ARHGAP12: variants seen among roughly 807,000 people sequenced by gnomAD.
ARHGAP12 encodes the protein rho GTPase-activating protein 12.
In ARHGAP12, 64 loss-of-function variants were observed where a neutral mutation model predicts 108.6. The observed-to-expected ratio is 0.59, with a 90% CI of 0.48 to 0.73. The LOEUF is 0.73. Ranked by LOEUF, ARHGAP12 falls within the 30% of genes least tolerant of loss-of-function variation. ARHGAP12 has a pLI of 0.00. For synonymous variants in ARHGAP12, 312 were observed against 337.2 expected, an observed-to-expected ratio of 0.93 and a Z score of 0.82; for missense variants, 940 against 1,005.9, an observed-to-expected ratio of 0.93 and a Z score of 0.89.
At chr10:31,856,884 T>C (rs557322656) in intron 4 of ARHGAP12, among the ~76,000 whole-genome samples, 3 of 152,218 alleles carry the variant, frequency 2.0e-5, no homozygotes, top group African/African-American at 4.8e-5. Context: ...ATGCAACATA[T>C]AGTCTTCACT....
chr10:31,857,642 T>C (rs936776938), intron 4 of ARHGAP12, among the ~76,000 whole-genome samples: 3 of 152,048 alleles, frequency 2.0e-5, no homozygotes, highest in African/African-American at 7.2e-5. Flanking sequence ...ACAGTAAAAA[T>C]ATAGACACAT....
At chr10:31,863,232 T>C (rs1472964483) in intron 3 of ARHGAP12, among the ~76,000 whole-genome samples, 4 of 152,236 alleles carry the variant, frequency 2.6e-5, no homozygotes, top group East Asian at 1.9e-4. Flanking sequence ...TGGAGACAGA[T>C]ATCATTTCTC....
At chr10:31,893,110 G>C (rs1417054357) in intron 3 of ARHGAP12, among the ~76,000 whole-genome samples, 2 of 152,134 alleles carry the variant, frequency 1.3e-5, no homozygotes. Context: ...AGTGTGTAAA[G>C]GGAAATTTAT....
chr10:31,863,771 A>AG (rs1837220388), intron 3 of ARHGAP12, among the ~76,000 whole-genome samples: 1 of 152,170 alleles, frequency 6.6e-6, no homozygotes, highest in Non-Finnish European at 1.5e-5. Context: ...AGATTCATAG[A>AG]TAAACACGAT....
intron 1 of ARHGAP12, among the ~76,000 whole-genome samples, chr10:31,919,746 G>A (rs1387496508): frequency 1.3e-5 from 2 of 150,742 alleles, no homozygotes; most frequent in African/African-American, 2.4e-5. Flanking sequence ...AGCCGAGATC[G>A]CACCACTGCA....
chr10:31,928,636 T>G (rs1035464378), intron 1 of ARHGAP12, 47 bp downstream of exon 1: 2 of 152,276 alleles, frequency 1.3e-5, no homozygotes, highest in African/African-American at 4.8e-5. Flanking sequence ...GTGCAGCGCC[T>G]CGCCAACCTG....
chr10:31,835,667 G>T (rs1835989659), intron 9 of ARHGAP12, among the ~76,000 whole-genome samples: 1 of 152,092 alleles, frequency 6.6e-6, no homozygotes, highest in Non-Finnish European at 1.5e-5. Context: ...CAATACACCT[G>T]ATCAAAATCC....
intron 3 of ARHGAP12, among the ~76,000 whole-genome samples, chr10:31,892,121 G>A (rs923291770): frequency 1.3e-5 from 2 of 152,064 alleles, no homozygotes; most frequent in African/African-American, 4.8e-5. Context: ...CACTAAACAT[G>A]GAAAGGAACA....
intron 3 of ARHGAP12, among the ~76,000 whole-genome samples, chr10:31,879,110 T>C (rs1049580662): frequency 1.3e-5 from 2 of 152,156 alleles, no homozygotes; most frequent in African/African-American, 4.8e-5. Flanking sequence ...TTAATATCTA[T>C]TTAAAAAGAC....
chr10:31,829,013 G>C (rs560696587), intron 10 of ARHGAP12, among the ~76,000 whole-genome samples: 1 of 152,044 alleles, frequency 6.6e-6, no homozygotes, highest in African/African-American at 2.4e-5. Flanking sequence ...TTAGCCACGC[G>C]TAGTGGCACA....
chr10:31,879,049 T>C (rs1837841507), intron 3 of ARHGAP12, among the ~76,000 whole-genome samples: 1 of 152,204 alleles, frequency 6.6e-6, no homozygotes, highest in Non-Finnish European at 1.5e-5. Context: ...GGTCAAAGTG[T>C]CACTTTATCA....
At chr10:31,915,193 C>G (rs1170671609) in intron 1 of ARHGAP12, among the ~76,000 whole-genome samples, 1 of 152,104 alleles carries the variant, frequency 6.6e-6, no homozygotes, top group African/African-American at 2.4e-5. Flanking sequence ...TCGAGACCAG[C>G]CTGACCAACA....
In ARHGAP12 at chr10:31,867,118, G is replaced by T. The variant is rs1425903372; in HGVS notation, c.685-5460C>A. Among the ~76,000 whole-genome samples, 154 of 138,522 alleles carry T rather than the reference G, an allele frequency of 1.1e-3. 1 individual carries two copies. The East Asian group carries it at 0.012, about 10-fold the overall frequency. 90.9% of individuals were successfully genotyped at this position (138,522 alleles called of 152,430 possible). A position where few individuals can be genotyped will look rare whatever the true frequency, so the allele number is the denominator to read the frequency against. ...ATAAGAACCTTGTTTTCTTTTTTTT[G>T]TTTTTTTTTTTTTTGAGACGGAGTC... is the stretch of plus-strand genomic sequence containing the variant. On this transcript the variant is annotated intron_variant, in intron 3 of 19. Transcript: ENST00000344936.
At chr10:31,900,711 CAG>C (rs1180759197) in intron 3 of ARHGAP12, among the ~76,000 whole-genome samples, 1 of 152,164 alleles carries the variant, frequency 6.6e-6, no homozygotes, top group Non-Finnish European at 1.5e-5. Flanking sequence ...AGGTGAAACA[CAG>C]AGGATGTTAA....
intron 3 of ARHGAP12, among the ~76,000 whole-genome samples, chr10:31,881,001 T>A (rs1046964708): frequency 6.6e-6 from 1 of 151,974 alleles, no homozygotes; most frequent in African/African-American, 2.4e-5. Context: ...AGGGCAAGGC[T>A]GCAGTGAACC....
intron 1 of ARHGAP12, among the ~76,000 whole-genome samples, chr10:31,923,742 C>T (rs1174951202): frequency 6.6e-6 from 1 of 152,088 alleles, no homozygotes; most frequent in African/African-American, 2.4e-5. Context: ...TAGAATCAAA[C>T]TAATTGATAG....
At chr10:31,924,125 A>G (rs1839933505) in intron 1 of ARHGAP12, among the ~76,000 whole-genome samples, 1 of 152,246 alleles carries the variant, frequency 6.6e-6, no homozygotes, top group Non-Finnish European at 1.5e-5. Context: ...TGGTACAACC[A>G]CTGCGGAAAA....
At chr10:31,865,771 G>A (rs1448423400) in intron 3 of ARHGAP12, among the ~76,000 whole-genome samples, 2 of 151,792 alleles carry the variant, frequency 1.3e-5, no homozygotes, top group African/African-American at 2.4e-5. Context: ...CCAGCTACTC[G>A]GGAGGCTGAG....
At chr10:31,854,310 T>C (rs1836807816) in intron 4 of ARHGAP12, 104 bp from the exon 5 acceptor site, 1 of 963,180 alleles carries the variant, frequency 1.0e-6, no homozygotes, top group Non-Finnish European at 1.5e-6. Context: ...TATGAAGATA[T>C]CTTAAATATA....
Sources: allele counts gnomAD v4.1 joint callset (sites outside exome capture counted in the v4.1 genomes callset), GRCh38; gene constraint gnomAD v4.1.1; transcripts MANE v1.5; gene names NCBI Gene and HGNC (gene_info 2026-07-23, HGNC 2026-07-21).